Variants in LRP1B observed in about 807,000 individuals in gnomAD.
LRP1B encodes LDL receptor related protein 1B, also known as low-density lipoprotein receptor-related protein 1B.
In LRP1B, 217 loss-of-function variants were observed where a neutral mutation model predicts 556.6. The observed-to-expected ratio is 0.39, with a 90% CI of 0.35 to 0.44. The LOEUF (loss-of-function observed/expected upper bound fraction) is 0.44. LRP1B is among the 20% of genes least tolerant of loss of function. The pLI is 1.00. For synonymous variants in LRP1B, 2,047 were observed against 1,865.8 expected, an observed-to-expected ratio of 1.10 and a Z score of -2.50; for missense variants, 5,053 against 5,620.8, an observed-to-expected ratio of 0.90 and a Z score of 3.23.
chr2:140,936,583 T>G (rs2105279890), intron 20 of LRP1B, among the ~76,000 whole-genome samples: 1 of 152,096 alleles, frequency 6.6e-6, no homozygotes, highest in Non-Finnish European at 1.5e-5. Context: ...GAGAGTAACC[T>G]TAAGGTGTAT....
intron 41 of LRP1B, among the ~76,000 whole-genome samples, chr2:140,685,207 T>G (rs903710067): frequency 5.9e-5 from 9 of 152,338 alleles, no homozygotes; most frequent in Non-Finnish European, 1.3e-4. Context: ...CTTCAAAATA[T>G]ATGTATGCTA....
At chr2:141,896,557 C>G (rs548162230) in intron 1 of LRP1B, among the ~76,000 whole-genome samples, 1 of 152,142 alleles carries the variant, frequency 6.6e-6, no homozygotes, top group African/African-American at 2.4e-5. Context: ...TTTTGAAATT[C>G]TTTTCCTTCA....
At chr2:140,606,264 T>C (rs2105212729) in intron 41 of LRP1B, among the ~76,000 whole-genome samples, 1 of 151,950 alleles carries the variant, frequency 6.6e-6, no homozygotes, top group Non-Finnish European at 1.5e-5. Context: ...ATTTAATTTA[T>C]AATATAATTT....
At chr2:141,389,569 T>C (rs1158427109) in intron 3 of LRP1B, among the ~76,000 whole-genome samples, 1 of 152,114 alleles carries the variant, frequency 6.6e-6, no homozygotes, top group Non-Finnish European at 1.5e-5. Flanking sequence ...CAATGAATTC[T>C]TAGATACGAG....
At chr2:140,454,265 C>T (rs1373331953) in intron 62 of LRP1B, among the ~76,000 whole-genome samples, 1 of 152,098 alleles carries the variant, frequency 6.6e-6, no homozygotes, top group African/African-American at 2.4e-5. Context: ...TCTCATGCCT[C>T]ACCCTCCCAA....
intron 7 of LRP1B, among the ~76,000 whole-genome samples, chr2:141,159,451 T>A (rs190206155): frequency 1.7e-4 from 26 of 152,224 alleles, no homozygotes; most frequent in Middle Eastern, 3.4e-3. Flanking sequence ...AGGCTGGACG[T>A]GAAGCCCTGG....
At chr2:141,099,264 G>A (rs73964052) in intron 7 of LRP1B, among the ~76,000 whole-genome samples, 3,827 of 151,954 alleles carry the variant, frequency 0.025, 66 homozygotes, top group South Asian at 0.066. Flanking sequence ...TTTCCTTACA[G>A]GAGTAACTCT....
At chr2:141,766,034 C>G (rs1206093445) in intron 2 of LRP1B, among the ~76,000 whole-genome samples, 1 of 152,164 alleles carries the variant, frequency 6.6e-6, no homozygotes, top group Non-Finnish European at 1.5e-5. Context: ...TGTTTCCTCT[C>G]CATTTCTATA....
At chr2:141,808,542 C>T (rs1214917331) in intron 2 of LRP1B, among the ~76,000 whole-genome samples, 1 of 152,090 alleles carries the variant, frequency 6.6e-6, no homozygotes. Flanking sequence ...CATCCATATG[C>T]ACAATATTGA....
At chr2:140,742,322 T>C (rs1379899357) in intron 35 of LRP1B, among the ~76,000 whole-genome samples, 1 of 152,208 alleles carries the variant, frequency 6.6e-6, no homozygotes, top group Admixed American at 6.5e-5. Context: ...AACATTCTTC[T>C]TCATGTAGTT....
At chr2:140,771,768 C>A (rs1559109627) in intron 33 of LRP1B, among the ~76,000 whole-genome samples, 1 of 152,156 alleles carries the variant, frequency 6.6e-6, no homozygotes, top group Non-Finnish European at 1.5e-5. Flanking sequence ...TTAAAAATCC[C>A]ATTTTTACAT....
intron 81 of LRP1B, among the ~76,000 whole-genome samples, chr2:140,322,847 C>CTATT (rs1326566862): frequency 6.6e-6 from 1 of 151,858 alleles, no homozygotes; most frequent in African/African-American, 2.4e-5. Flanking sequence ...ACTCAAATGC[C>CTATT]TATTATATTC....
At chr2:142,114,809 G>T (rs533327462) in intron 1 of LRP1B, among the ~76,000 whole-genome samples, 34 of 152,154 alleles carry the variant, frequency 2.2e-4, no homozygotes, top group African/African-American at 8.2e-4. Flanking sequence ...CATACATTTA[G>T]ATAGACAGAA....
intron 1 of LRP1B, among the ~76,000 whole-genome samples, chr2:141,950,513 T>C (rs1168047099): frequency 6.6e-6 from 1 of 152,178 alleles, no homozygotes; most frequent in Non-Finnish European, 1.5e-5. Flanking sequence ...TTCAATTGTT[T>C]GAATTATATA....
At chr2:140,808,015 C>G (rs1690784349) in intron 32 of LRP1B, among the ~76,000 whole-genome samples, 1 of 152,156 alleles carries the variant, frequency 6.6e-6, no homozygotes, top group African/African-American at 2.4e-5. Flanking sequence ...TCATTTGAAC[C>G]TGGGAGGTGG....
At chr2:142,111,571 CT>C (rs1706990024) in intron 1 of LRP1B, among the ~76,000 whole-genome samples, 1 of 152,054 alleles carries the variant, frequency 6.6e-6, no homozygotes, top group Admixed American at 6.6e-5. Context: ...TTTTTATAAC[CT>C]GATTCATCCT....
intron 20 of LRP1B, among the ~76,000 whole-genome samples, chr2:140,935,068 C>T (rs1199734782): frequency 1.3e-5 from 2 of 152,106 alleles, no homozygotes; most frequent in African/African-American, 4.8e-5. Context: ...AGAGTTATCA[C>T]ATTATTAGAT....
intron 1 of LRP1B, among the ~76,000 whole-genome samples, chr2:141,929,391 A>G (rs897095690): frequency 1.2e-4 from 18 of 152,102 alleles, no homozygotes; most frequent in Admixed American, 9.8e-4. Flanking sequence ...CGAATCATCA[A>G]TTTGATTATT....
At chr2:141,079,903 T>C (rs1699883326) in intron 7 of LRP1B, among the ~76,000 whole-genome samples, 1 of 152,230 alleles carries the variant, frequency 6.6e-6, no homozygotes, top group African/African-American at 2.4e-5. Flanking sequence ...ACTATAATCT[T>C]TGTGGAATAA....
Sources: gnomAD v4.1 joint callset for allele counts (sites outside exome capture counted in the v4.1 genomes callset) on GRCh38, gnomAD v4.1.1 for gene constraint, MANE v1.5 for transcripts, NCBI Gene and HGNC (gene_info 2026-07-23, HGNC 2026-07-21) for gene names.